CSGALNACT1: variants seen among roughly 807,000 people sequenced by gnomAD.
CSGALNACT1 encodes the protein chondroitin sulfate N-acetylgalactosaminyltransferase 1.
In CSGALNACT1, 52 loss-of-function variants were observed where a neutral mutation model predicts 51.0. The ratio of observed to expected loss-of-function variants is 1.02; its 90% CI spans 0.82 to 1.29. The LOEUF (loss-of-function observed/expected upper bound fraction) is 1.29. Among genes scored for constraint, CSGALNACT1 ranks in the 50% most tolerant of loss-of-function variants. CSGALNACT1 has a pLI of 0.00. For missense variants in CSGALNACT1, 935 were observed against 679.2 expected, an observed-to-expected ratio of 1.38 and a Z score of -4.19; for synonymous variants, 341 against 254.4, an observed-to-expected ratio of 1.34 and a Z score of -3.24.
chr8:19,467,362 C>G (rs1033413054), intron 4 of CSGALNACT1, among the ~76,000 whole-genome samples: 4 of 152,026 alleles, frequency 2.6e-5, no homozygotes, highest in Non-Finnish European at 4.4e-5. Context: ...ACCTCATGAT[C>G]CACCTACCTC....
At chr8:19,672,099 G>A (rs1271690706) in intron 1 of CSGALNACT1, among the ~76,000 whole-genome samples, 1 of 152,124 alleles carries the variant, frequency 6.6e-6, no homozygotes, top group Non-Finnish European at 1.5e-5. Context: ...AGCTGCATAG[G>A]GCATCAGTAT....
intron 3 of CSGALNACT1, among the ~76,000 whole-genome samples, chr8:19,516,819 T>TG (rs2079616775): frequency 6.6e-6 from 1 of 152,132 alleles, no homozygotes; most frequent in Non-Finnish European, 1.5e-5. Context: ...GGGGGTGAGA[T>TG]GCTGGAAGTG....
Position 19,459,799 on chromosome 8 carries a change from T to A in CSGALNACT1, c.635-1157A>T, listed in dbSNP as rs548386209. On this transcript the variant is annotated intron_variant, in intron 4 of 9. Coordinates refer to ENST00000454498, the Ensembl canonical transcript of CSGALNACT1. The stretch of plus-strand genomic sequence containing the variant: ...TACAAGGCATGCAATAAACCCTCGA[T>A]AAATGTTAGCCATCTTCACAACTCC... Among the ~76,000 whole-genome samples, 9 of 152,302 alleles carry A rather than the reference T, an allele frequency of 5.9e-5. No individual in the cohort carries two copies. In the East Asian group the frequency reaches 1.7e-3, roughly 29 times the overall value.
At chr8:19,750,054 C>T (rs2064931925) in intron 1 of CSGALNACT1, among the ~76,000 whole-genome samples, 2 of 152,200 alleles carry the variant, frequency 1.3e-5, no homozygotes, top group East Asian at 1.9e-4. Flanking sequence ...TTATATCCCC[C>T]TGCATCCTGG....
chr8:19,691,818 G>A (rs913321622), intron 1 of CSGALNACT1, among the ~76,000 whole-genome samples: 1 of 152,152 alleles, frequency 6.6e-6, no homozygotes, highest in Non-Finnish European at 1.5e-5. Context: ...TGGGCTGGCA[G>A]CAACAGCATC....
At chr8:19,468,471 G>A (rs531929172) in intron 4 of CSGALNACT1, among the ~76,000 whole-genome samples, 47 of 152,252 alleles carry the variant, frequency 3.1e-4, no homozygotes, top group African/African-American at 1.1e-3. Flanking sequence ...CCGGGTCAGC[G>A]TTTTAGCATG....
intron 5 of CSGALNACT1, among the ~76,000 whole-genome samples, chr8:19,450,716 A>C (rs1490598690): frequency 6.6e-6 from 1 of 152,100 alleles, no homozygotes; most frequent in Non-Finnish European, 1.5e-5. Context: ...CAGGAGTTTG[A>C]AACCAGCCTG....
chr8:19,674,184 T>C (rs910599894), intron 1 of CSGALNACT1, among the ~76,000 whole-genome samples: 5 of 152,108 alleles, frequency 3.3e-5, no homozygotes, highest in Non-Finnish European at 7.4e-5. Context: ...TGACAGCTAC[T>C]CAGGAGGCTG....
At chr8:19,478,181 A>T (rs1029527001) in intron 4 of CSGALNACT1, among the ~76,000 whole-genome samples, 1 of 152,106 alleles carries the variant, frequency 6.6e-6, no homozygotes, top group East Asian at 1.9e-4. Context: ...TTGGGAGGCC[A>T]AGGCGGGTGG....
chr8:19,576,054 C>G (rs866641538), intron 3 of CSGALNACT1, among the ~76,000 whole-genome samples: 1 of 152,032 alleles, frequency 6.6e-6, no homozygotes, highest in African/African-American at 2.4e-5. Flanking sequence ...GGCCGAGAGA[C>G]GGGAGTGGGT....
intron 1 of CSGALNACT1, among the ~76,000 whole-genome samples, chr8:19,616,848 C>A (rs1267593071): frequency 1.3e-5 from 2 of 152,174 alleles, no homozygotes; most frequent in Admixed American, 1.3e-4. Context: ...CAGCGGTCCC[C>A]AACCTTTTTG....
chr8:19,662,601 C>T (rs769791545), intron 1 of CSGALNACT1, among the ~76,000 whole-genome samples: 1 of 152,176 alleles, frequency 6.6e-6, no homozygotes. Flanking sequence ...ACCTCCCATT[C>T]TATTATTTCC....
intron 3 of CSGALNACT1, among the ~76,000 whole-genome samples, chr8:19,562,047 G>C (rs759283697): frequency 6.6e-6 from 1 of 152,146 alleles, no homozygotes; most frequent in East Asian, 1.9e-4. Flanking sequence ...TACCAAGCCT[G>C]CACTGAGGCA....
At chr8:19,753,409 G>T (rs528265797) in intron 1 of CSGALNACT1, among the ~76,000 whole-genome samples, 6 of 152,138 alleles carry the variant, frequency 3.9e-5, no homozygotes, top group Admixed American at 3.9e-4. Flanking sequence ...TATCAGAATT[G>T]GATGTCTGAT....
At chr8:19,442,966 A>G (rs1380927954) in intron 5 of CSGALNACT1, among the ~76,000 whole-genome samples, 1 of 152,162 alleles carries the variant, frequency 6.6e-6, no homozygotes, top group Non-Finnish European at 1.5e-5. Flanking sequence ...CTTCCCAAGC[A>G]GATATCATCA....
intron 4 of CSGALNACT1, among the ~76,000 whole-genome samples, chr8:19,503,751 T>G (rs1372011180): frequency 1.3e-5 from 2 of 152,120 alleles, no homozygotes; most frequent in African/African-American, 4.8e-5. Context: ...CTGAACATTC[T>G]AGACATTTTT....
Position 19,562,359 on chromosome 8 carries a change from A to G in CSGALNACT1, c.-297+28801T>C, listed in dbSNP as rs79401977. On this transcript the variant is annotated intron_variant, in intron 3 of 9. Transcript: ENST00000454498. ...AATGACTTAGAAACAAAAAAATACT[A>G]TTTTTGCTAGGCAATACCATTCAGG... Among the ~76,000 whole-genome samples, 36 of 152,266 alleles carry G rather than the reference A, an allele frequency of 2.4e-4. 1 individual carries two copies. The East Asian group carries it at 7.0e-3, about 29-fold the overall frequency.
At chr8:19,537,838 C>A (rs2084110840) in intron 3 of CSGALNACT1, among the ~76,000 whole-genome samples, 1 of 152,094 alleles carries the variant, frequency 6.6e-6, no homozygotes, top group Non-Finnish European at 1.5e-5. Flanking sequence ...TAAGAGTAGA[C>A]AAAGTACTAT....
Position 19,654,265 on chromosome 8 carries a change from G to C in CSGALNACT1, c.-544+28208C>G, listed in dbSNP as rs17128803. On this transcript the variant is annotated intron_variant, in intron 1 of 9. Transcript: ENST00000332246. ...GAAATGCTCAATCACTTTCTTACAA[G>C]GTCATGTCCAGTTAGCATGGTAACA... is the stretch of plus-strand genomic sequence containing the variant. Among the ~76,000 whole-genome samples the C allele has an allele frequency of 4.3e-3, 655 of 152,260 alleles. 5 individuals carry two copies. Among genetic ancestry groups the C allele is most frequent in the African/African-American group, 0.015 (626 of 41,558 alleles).
Sources: gnomAD v4.1 joint callset for allele counts (sites outside exome capture counted in the v4.1 genomes callset) on GRCh38, gnomAD v4.1.1 for gene constraint, MANE v1.5 for transcripts, NCBI Gene and HGNC (gene_info 2026-07-23, HGNC 2026-07-21) for gene names.